The following NR5A2 variants were observed in gnomAD, a reference collection of about 807,000 sequenced individuals.
NR5A2 encodes the protein nuclear receptor subfamily 5 group A member 2, also known as CYP7A promoter-binding factor.
Under a neutral mutation model 62.7 loss-of-function variants are expected in NR5A2, and 26 were observed. That is an observed-to-expected ratio of 0.41 (90% confidence interval 0.30 to 0.58). The LOEUF (loss-of-function observed/expected upper bound fraction) is 0.58, where lower values mean the gene tolerates loss of function less well. Among genes scored for constraint, NR5A2 ranks in the 20% least tolerant of loss-of-function variants. The pLI is 0.22. For synonymous variants in NR5A2, 246 were observed against 241.7 expected (o/e 1.02, Z -0.16); for missense variants, 541 against 669.1 (o/e 0.81, Z 2.11).
chr1:200,057,066 T>A (rs1460804088), intron 5 of NR5A2, among the ~76,000 whole-genome samples: 1 of 152,252 alleles, frequency 6.6e-6, no homozygotes, highest in Non-Finnish European at 1.5e-5. Flanking sequence ...TTTCCTACGA[T>A]GACCTTCTCT....
chr1:200,113,965 G>C (rs1157847775), intron 6 of NR5A2, among the ~76,000 whole-genome samples: 2 of 152,158 alleles, frequency 1.3e-5, no homozygotes, highest in African/African-American at 4.8e-5. Flanking sequence ...TGGGTCACTT[G>C]AGGTCAGGGG....
At chr1:200,160,980 T>C (rs1399656643) in intron 7 of NR5A2, among the ~76,000 whole-genome samples, 1 of 128,760 alleles carries the variant, frequency 7.8e-6, no homozygotes, top group Non-Finnish European at 1.6e-5. Context: ...AGGACGTGAG[T>C]ACAAAAAAAA....
In NR5A2 at chr1:200,048,561, A is replaced by C. The variant is rs142863458; in HGVS notation, c.853A>C (p.Met285Leu). ...DPYTSSPESI[M>L]GYSYMDSYQT... ...CTATACCAGCTCACCCGAGTCCATA[A>C]TGGGCTATTCATATATGGATAGTTA... is the stretch of plus-strand genomic sequence containing the variant. The change falls in exon 5 of 8, where the codon ATG becomes CTG. Residue 285 changes from methionine (M) to leucine (L), a missense_variant. By Grantham distance (15) the Met-to-Leu change is conservative (BLOSUM62 2). Around this residue, in one of 3 missense-constraint regions of NR5A2, gnomAD observed 379 missense variants for 442.0 expected, o/e 0.86. Coordinates refer to ENST00000367362, the MANE Select transcript of NR5A2 (RefSeq NM_205860.3). This position sits in a 1 kb window ranked among gnomAD's most constrained non-coding sequence, Gnocchi z 4.8. 15 of 1,614,024 alleles carry C rather than the reference A, an allele frequency of 9.3e-6. No homozygotes were observed. The highest frequency in any genetic ancestry group is 2.7e-5 in the African/African-American group (2 of 74,896).
intron 7 of NR5A2, among the ~76,000 whole-genome samples, chr1:200,151,703 A>C (rs1365735793): frequency 2.0e-5 from 3 of 152,268 alleles, no homozygotes; most frequent in Non-Finnish European, 4.4e-5. Flanking sequence ...TCCAAAGTGA[A>C]TATAAAGGTA....
rs527499580 is a variant in NR5A2 at position 200,070,757 on chromosome 1, C to A, written c.1110+21939C>A. Among the ~76,000 whole-genome samples, 122 of 139,300 alleles carry A rather than the reference C, an allele frequency of 8.8e-4. 1 individual carries two copies. The highest frequency in any genetic ancestry group is 1.5e-3 in the Non-Finnish European group (96 of 63,986). 91.4% of individuals were successfully genotyped at this position (139,300 alleles called of 152,430 possible). Reference sequence around the variant, plus strand: ...ATCTGTTCCAACCCCCCAGCCCCATCCCCCCCACCAAATATATACACAAAC... The same window carrying A: ...ATCTGTTCCAACCCCCCAGCCCCATACCCCCCACCAAATATATACACAAAC... On this transcript the variant is annotated intron_variant, in intron 5 of 7. Transcript: ENST00000367362.
intron 5 of NR5A2, among the ~76,000 whole-genome samples, chr1:200,087,553 C>T (rs1664611213): frequency 6.6e-6 from 1 of 151,184 alleles, no homozygotes; most frequent in East Asian, 2.0e-4. Context: ...CACCACCACA[C>T]CTGGCTAATT....
At chr1:200,058,351 T>C (rs1663022945) in intron 5 of NR5A2, 1 of 152,230 alleles carries the variant, frequency 6.6e-6, no homozygotes, top group Non-Finnish European at 1.5e-5. Flanking sequence ...AATTGATAAT[T>C]GCCATTATCA....
At chr1:200,067,757 A>G (rs748583423) in intron 5 of NR5A2, among the ~76,000 whole-genome samples, 6 of 152,234 alleles carry the variant, frequency 3.9e-5, no homozygotes, top group African/African-American at 7.2e-5. Context: ...AAACCTTCAC[A>G]TGTACCCCCG....
At chr1:200,168,238 G>T (rs1654002393) in intron 7 of NR5A2, among the ~76,000 whole-genome samples, 1 of 148,668 alleles carries the variant, frequency 6.7e-6, no homozygotes, top group African/African-American at 2.5e-5. Flanking sequence ...AAGAGACAGG[G>T]TCTCACTCTG....
intron 7 of NR5A2, among the ~76,000 whole-genome samples, chr1:200,132,130 C>A (rs1251810689): frequency 6.6e-6 from 1 of 152,122 alleles, no homozygotes; most frequent in Non-Finnish European, 1.5e-5. Context: ...CTGCCTCAGC[C>A]GCCTGAGTAG....
At chr1:200,151,628 C>T (rs1048478519) in intron 7 of NR5A2, among the ~76,000 whole-genome samples, 13 of 152,042 alleles carry the variant, frequency 8.6e-5, no homozygotes, top group Admixed American at 6.5e-4. Context: ...GCACAGAGAC[C>T]CTATAAAATC....
chr1:200,032,114 A>G (rs1571687870), intron 1 of NR5A2, among the ~76,000 whole-genome samples: 1 of 151,944 alleles, frequency 6.6e-6, no homozygotes, highest in Non-Finnish European at 1.5e-5. Context: ...AGACAACTTC[A>G]CTCCGCAGCT....
Position 200,045,532 on chromosome 1 carries a change from T to C in NR5A2, c.411T>C (p.Arg137=). Residue 137 remains arginine (R), a synonymous_variant, in exon 4 of 8, where the codon CGT becomes CGC. Coordinates refer to ENST00000367362, the MANE Select transcript of NR5A2 (RefSeq NM_205860.3). The stretch of plus-strand genomic sequence containing the variant: ...AAATTGACAAAACACAGAGAAAGCG[T>C]TGTCCTTACTGTCGTTTTCAAAAAT... The part of the protein sequence containing the change: ...NCQIDKTQRK[R]CPYCRFQKCL... 5 of 1,613,400 alleles carry C rather than the reference T, an allele frequency of 3.1e-6. No individual in the cohort carries two copies. The highest frequency in any genetic ancestry group is 4.2e-6 in the Non-Finnish European group (5 of 1,179,534).
chr1:200,035,405 C>A (rs1053303389), intron 1 of NR5A2, among the ~76,000 whole-genome samples: 2 of 152,150 alleles, frequency 1.3e-5, no homozygotes, highest in East Asian at 3.9e-4. Flanking sequence ...TTGAACCGCT[C>A]CTGAAAATCC....
At chr1:200,067,190 G>T (rs1663522002) in intron 5 of NR5A2, among the ~76,000 whole-genome samples, 1 of 152,220 alleles carries the variant, frequency 6.6e-6, no homozygotes, top group African/African-American at 2.4e-5. Flanking sequence ...AGGAACATGG[G>T]TGGGGCTGGA....
rs1046357390 is a variant in NR5A2 at position 200,174,899 on chromosome 1, T to C, written c.*689T>C. 2.6e-5 allele frequency: 4 copies of C among 152,664 alleles called. No individual in the cohort carries two copies. The highest frequency in any genetic ancestry group is 5.9e-5 in the Non-Finnish European group (4 of 68,044). The allele number at this position is 152,664 out of a possible 1,614,324, so 9.5% of individuals were successfully genotyped here. ...CATTTTAAATATGTTCTGAGGGTTG[T>C]TTTGTCTCGTGTTCATGATGTTAAG... On this transcript the variant is annotated 3_prime_UTR_variant, in exon 8 of 8. Transcript: ENST00000367362.
Position 200,174,207 on chromosome 1 carries a change from A to G in NR5A2, c.1623A>G (p.Ala541=), listed in dbSNP as rs747971102. 1.4e-5 allele frequency: 23 copies of G among 1,592,230 alleles called. No homozygotes were observed. Among genetic ancestry groups the G allele is most frequent in the Admixed American group, 6.9e-5 (4 of 58,254 alleles). The change falls in exon 8 of 8, where the codon GCA becomes GCG. Residue 541 remains alanine, a synonymous_variant. Transcript: ENST00000367362. ...LLIEMLHAKR[A] ...TTGAAATGTTGCATGCCAAAAGAGC[A>G]TAAGTTACAACCCCTAGGAGCTCTG... is the stretch of plus-strand genomic sequence containing the variant.
At chr1:200,138,195 A>T (rs1667309122) in intron 7 of NR5A2, among the ~76,000 whole-genome samples, 2 of 152,178 alleles carry the variant, frequency 1.3e-5, no homozygotes, top group South Asian at 4.1e-4. Context: ...TCTTCCTGTA[A>T]TATATTGTTG....
chr1:200,158,696 T>C (rs16846149), intron 7 of NR5A2, among the ~76,000 whole-genome samples: 7,619 of 152,160 alleles, frequency 0.05, 641 homozygotes, highest in African/African-American at 0.17. Flanking sequence ...AAAGGCATTC[T>C]TTAAACTTCT....
Sources: gnomAD v4.1 joint callset for allele counts (sites outside exome capture counted in the v4.1 genomes callset) on GRCh38, gnomAD v4.1.1 for gene constraint, gnomAD v4.1.1 regional missense constraint, Gnocchi (gnomAD v3.1) non-coding constraint, MANE v1.5 for transcripts, NCBI Gene and HGNC (gene_info 2026-07-23, HGNC 2026-07-21) for gene names.